SYNRG: variants seen among roughly 807,000 people sequenced by gnomAD.
SYNRG encodes synergin gamma.
SYNRG carries 37 observed loss-of-function variants against 130.9 expected under a neutral mutation model. The observed-to-expected ratio is 0.28, with a 90% CI of 0.22 to 0.37. The LOEUF (loss-of-function observed/expected upper bound fraction) is 0.37. Ranked by LOEUF, SYNRG falls within the 10% of genes least tolerant of loss-of-function variation. SYNRG has a pLI of 1.00. For synonymous variants in SYNRG, 539 were observed against 568.1 expected (o/e 0.95, Z 0.73); for missense variants, 1,338 against 1,588.9 (o/e 0.84, Z 2.68).
chr17:37,603,382 A>C (rs555101115), intron 1 of SYNRG, among the ~76,000 whole-genome samples: 2 of 152,318 alleles, frequency 1.3e-5, no homozygotes, highest in East Asian at 3.9e-4. Flanking sequence ...TAAATAACAT[A>C]AAAATTATAA....
Position 37,545,017 on chromosome 17 carries a change from C to T in SYNRG, c.2609-2452G>A, listed in dbSNP as rs1259406771. ...GGTGGATCACCAGAGTTTAGGAGTT[C>T]GAGACCAGCCTGACCAACATGGAGA... On this transcript the variant is annotated intron_variant, in intron 14 of 21. Transcript: ENST00000612223. Among the ~76,000 whole-genome samples the T allele has an allele frequency of 4.0e-5, 6 of 151,732 alleles. No homozygotes were observed. In the East Asian group the frequency reaches 7.8e-4, roughly 20 times the overall value.
intron 3 of SYNRG, among the ~76,000 whole-genome samples, chr17:37,591,277 C>T (rs1305437856): frequency 6.6e-6 from 1 of 152,110 alleles, no homozygotes; most frequent in East Asian, 1.9e-4. Context: ...ATGGATGTGA[C>T]TTTTATGCTG....
At chr17:37,560,944 C>T (rs548079461) in intron 13 of SYNRG, among the ~76,000 whole-genome samples, 1 of 152,284 alleles carries the variant, frequency 6.6e-6, no homozygotes, top group East Asian at 1.9e-4. Context: ...GGATTACAGG[C>T]GTGAGCCACT....
At chr17:37,539,491 C>A (rs918213147) in intron 16 of SYNRG, among the ~76,000 whole-genome samples, 1 of 152,174 alleles carries the variant, frequency 6.6e-6, no homozygotes, top group African/African-American at 2.4e-5. Flanking sequence ...CCACCTCAGC[C>A]TCCAGAGCAG....
chr17:37,554,127 T>TA (rs1344912720), intron 13 of SYNRG, 68 bp from the exon 14 acceptor site: 6 of 1,404,666 alleles, frequency 4.3e-6, no homozygotes, highest in Non-Finnish European at 5.8e-6. Context: ...CACAGTATAT[T>TA]AAACTGCAAG....
rs200352582 is a variant in SYNRG at position 37,594,272 on chromosome 17, A to T, written c.240+1951T>A. On this transcript the variant is annotated intron_variant, in intron 3 of 21. Coordinates refer to ENST00000612223, the MANE Select transcript of SYNRG (RefSeq NM_007247.6). ...TATTTTAATTATATTAATTACAATA[A>T]TATTAATTTTAATTATATTAATTAC... Among the ~76,000 whole-genome samples the T allele has an allele frequency of 3.2e-4, 43 of 135,768 alleles. 2 individuals carry two copies. In the South Asian group the frequency reaches 4.6e-3, roughly 15 times the overall value. The allele number at this position is 135,768 out of a possible 152,430, so 89.1% of individuals were successfully genotyped here.
intron 9 of SYNRG, among the ~76,000 whole-genome samples, chr17:37,571,391 G>T (rs1296887420): frequency 6.6e-6 from 1 of 152,140 alleles, no homozygotes. Flanking sequence ...AGACTAGCCT[G>T]GCCAACATGG....
chr17:37,561,325 G>T, intron 12 of SYNRG, 68 bp from the exon 13 acceptor site: 1 of 1,555,796 alleles, frequency 6.4e-7, no homozygotes, highest in Non-Finnish European at 8.8e-7. Context: ...AGGAAGTGAG[G>T]CAGATTGGTT....
At chr17:37,520,339 A>C (rs981372917) in intron 20 of SYNRG, 125 bp from the exon 21 acceptor site, 1 of 1,311,370 alleles carries the variant, frequency 7.6e-7, no homozygotes, top group Non-Finnish European at 1.1e-6. Context: ...TGCTGCAGGC[A>C]TGAGAGCCGC....
chr17:37,544,113 C>G lies in SYNRG; in HGVS notation c.2609-1548G>C, dbSNP rs151020842. Reference sequence around the variant, plus strand: ...TTCTAATGGTATAATCCAAATCTCTCTTTCTTTGAGCTGTTAGGAAAGGGG... The same window carrying G: ...TTCTAATGGTATAATCCAAATCTCTGTTTCTTTGAGCTGTTAGGAAAGGGG... On this transcript the variant is annotated intron_variant, in intron 14 of 21. Transcript: ENST00000612223. Among the ~76,000 whole-genome samples, 971 of 152,292 alleles carry G rather than the reference C, an allele frequency of 6.4e-3. 6 individuals carry two copies. The highest frequency in any genetic ancestry group is 0.022 in the African/African-American group (922 of 41,568).
chr17:37,558,232 CT>C (rs2059262877), intron 13 of SYNRG, among the ~76,000 whole-genome samples: 3 of 152,174 alleles, frequency 2.0e-5, no homozygotes, highest in African/African-American at 7.2e-5. Flanking sequence ...AAGAGGTGGG[CT>C]TTCCTTCTTT....
At chr17:37,582,909 C>T (rs1408999107) in intron 6 of SYNRG, among the ~76,000 whole-genome samples, 1 of 151,714 alleles carries the variant, frequency 6.6e-6, no homozygotes, top group Non-Finnish European at 1.5e-5. Flanking sequence ...TTAAGATAAA[C>T]AATCTATAAA....
At chr17:37,601,712 T>A (rs1287882082) in intron 1 of SYNRG, among the ~76,000 whole-genome samples, 2 of 152,118 alleles carry the variant, frequency 1.3e-5, no homozygotes, top group Non-Finnish European at 2.9e-5. Flanking sequence ...TCGTCCAGGT[T>A]GGAGTGTGAT....
In SYNRG at chr17:37,553,523, C is replaced by G. The variant is rs749394685; in HGVS notation, c.2200G>C (p.Gly734Arg). 15 of 1,614,048 alleles carry G rather than the reference C, an allele frequency of 9.3e-6. No individual in the cohort carries two copies. The East Asian group carries it at 1.6e-4, about 17-fold the overall frequency. The change falls in exon 14 of 22, where the codon GGT becomes CGT. Residue 734 changes from glycine to arginine, a missense_variant. By Grantham distance (125) the Gly-to-Arg change is moderately radical. Around this residue, in one of 3 missense-constraint regions of SYNRG, gnomAD observed 1,146 missense variants for 1,342.3 expected, o/e 0.85. Coordinates refer to ENST00000612223, the MANE Select transcript of SYNRG (RefSeq NM_007247.6). ...LTSNVGSTVK[G>R]GQNSTAASTK... ...GACGCAGCAGTCGAGTTTTGTCCAC[C>G]CTTCACTGTGCTGCCCACGTTGCTG...
chr17:37,555,316 G>C (rs1329806177), intron 13 of SYNRG, among the ~76,000 whole-genome samples: 2 of 152,018 alleles, frequency 1.3e-5, no homozygotes, highest in Non-Finnish European at 2.9e-5. Context: ...TAGTAGAGAC[G>C]GGGTTTCACC....
At chr17:37,564,730 A>G (rs1170439979) in intron 11 of SYNRG, among the ~76,000 whole-genome samples, 1 of 152,216 alleles carries the variant, frequency 6.6e-6, no homozygotes, top group African/African-American at 2.4e-5. Flanking sequence ...AACAATGTGG[A>G]GTACAGATTA....
In SYNRG at chr17:37,577,568, G is replaced by A. The variant is rs1278680821; in HGVS notation, c.635C>T (p.Thr212Ile). 3 of 1,613,952 alleles carry A rather than the reference G, an allele frequency of 1.9e-6. No homozygotes were observed. The highest frequency in any genetic ancestry group is 2.5e-6 in the Non-Finnish European group (3 of 1,180,024). ...TAATTTAATTTGTTCCTGCCCAGAT[G>A]TACTTATATCACAAGATACTAGGAA... ...EKFLVSCDIS[T>I]SGQEQIKLNT... The change falls in exon 7 of 22, where the codon ACA (threonine) becomes ATA (isoleucine). Residue 212 changes from threonine to isoleucine, a missense_variant. This residue lies in a region of SYNRG where 1,146 missense variants were observed against 1,342.3 expected (regional missense o/e 0.85). Transcript: ENST00000612223.
intron 19 of SYNRG, among the ~76,000 whole-genome samples, chr17:37,535,309 T>G (rs1416081793): frequency 1.3e-5 from 2 of 152,182 alleles, no homozygotes; most frequent in African/African-American, 4.8e-5. Context: ...ATTGCATGCT[T>G]GTTAAATTAA....
intron 19 of SYNRG, among the ~76,000 whole-genome samples, chr17:37,526,699 CA>C (rs1372112248): frequency 1.3e-5 from 2 of 152,186 alleles, no homozygotes; most frequent in African/African-American, 4.8e-5. Flanking sequence ...CAGCAGGTAG[CA>C]TCTGCCACTC....
Sources: gnomAD v4.1 joint callset for allele counts (sites outside exome capture counted in the v4.1 genomes callset) on GRCh38, gnomAD v4.1.1 for gene constraint, gnomAD v4.1.1 regional missense constraint, MANE v1.5 for transcripts, NCBI Gene and HGNC (gene_info 2026-07-23, HGNC 2026-07-21) for gene names.